The following RNF169 variants were observed in gnomAD, a reference collection of about 807,000 sequenced individuals.
RNF169 encodes the protein ring finger protein 169, also known as E3 ubiquitin-protein ligase RNF169.
A neutral mutation model predicts 53.9 loss-of-function variants in RNF169; 24 were observed. That is an observed-to-expected ratio of 0.45 (90% CI 0.32 to 0.63). The LOEUF is 0.63. RNF169 is among the 20% of genes least tolerant of loss of function. The probability of loss-of-function intolerance (pLI) is 0.04; values close to 1 mark genes in which losing one functional copy is unlikely to be tolerated. For missense variants in RNF169, 883 were observed against 906.2 expected (o/e 0.97, Z 0.33); for synonymous variants, 396 against 363.5 (o/e 1.09, Z -1.02).
intron 4 of RNF169, among the ~76,000 whole-genome samples, chr11:74,821,106 G>C (rs2036003796): frequency 6.6e-6 from 1 of 152,168 alleles, no homozygotes; most frequent in South Asian, 2.1e-4. Flanking sequence ...GTTGTTATCA[G>C]AACTCTGTGA....
chr11:74,826,002 T>C (rs2135140222), intron 4 of RNF169, among the ~76,000 whole-genome samples: 1 of 152,068 alleles, frequency 6.6e-6, no homozygotes, highest in South Asian at 2.1e-4. Flanking sequence ...AGTGAGTGAA[T>C]GAATGAAGGG....
intron 4 of RNF169, among the ~76,000 whole-genome samples, chr11:74,825,828 T>G (rs570994653): frequency 6.6e-6 from 1 of 152,224 alleles, no homozygotes; most frequent in South Asian, 2.1e-4. Context: ...ATCCCATGTG[T>G]TAATCTTTTT....
At chr11:74,768,581 TG>T (rs1417714278) in intron 1 of RNF169, among the ~76,000 whole-genome samples, 1 of 150,072 alleles carries the variant, frequency 6.7e-6, no homozygotes, top group East Asian at 1.9e-4. Flanking sequence ...CACTGCAGTC[TG>T]GGTGACAGAG....
rs946007054 is a variant in RNF169 at position 74,835,716 on chromosome 11, C to T, written c.1113C>T (p.Ser371=). 1.2e-6 allele frequency: 2 copies of T among 1,614,034 alleles called. No individual in the cohort carries two copies. The highest frequency in any genetic ancestry group is 1.7e-6 in the Non-Finnish European group (2 of 1,180,024). ...CAGAGCGTTCTGTCAGCCCTGAGAGCAATGACAGCATCTCCGAAGAACTAA... is the reference window on the plus strand; with the variant it reads ...CAGAGCGTTCTGTCAGCCCTGAGAGTAATGACAGCATCTCCGAAGAACTAA... ...HKPERSVSPE[S]NDSISEELNH... is the part of the protein sequence containing the mutation. The change falls in exon 6 of 6, where the codon AGC becomes AGT. Residue 371 remains serine, a synonymous_variant. Transcript: ENST00000299563.
chr11:74,753,018 G>A (rs1591382767), intron 1 of RNF169, among the ~76,000 whole-genome samples: 2 of 152,084 alleles, frequency 1.3e-5, no homozygotes, highest in Non-Finnish European at 2.9e-5. Context: ...GCCCAGGCTG[G>A]AGTGCAATGG....
intron 4 of RNF169, among the ~76,000 whole-genome samples, chr11:74,827,236 G>A (rs1358100044): frequency 2.0e-5 from 3 of 152,156 alleles, no homozygotes; most frequent in Admixed American, 6.5e-5. Flanking sequence ...CTTGGGGCTC[G>A]TACTCTCTGA....
At chr11:74,754,855 T>G (rs2034957826) in intron 1 of RNF169, among the ~76,000 whole-genome samples, 2 of 152,148 alleles carry the variant, frequency 1.3e-5, no homozygotes, top group African/African-American at 4.8e-5. Context: ...ATTGAATAGA[T>G]AAACAATTGA....
intron 4 of RNF169, chr11:74,832,361 T>C (rs561225888): frequency 6.6e-6 from 1 of 152,218 alleles, no homozygotes; most frequent in Admixed American, 6.5e-5. Flanking sequence ...GCCTTTTCTT[T>C]TGCCAAAATG....
intron 2 of RNF169, 108 bp from the exon 3 acceptor site, chr11:74,810,076 C>T (rs2035854556): frequency 1.0e-6 from 1 of 976,772 alleles, no homozygotes; most frequent in Admixed American, 2.5e-5. Flanking sequence ...GAAAAACAGT[C>T]TCAAAACTGC....
Position 74,836,842 on chromosome 11 carries a change from A to G in RNF169, c.*112A>G, listed in dbSNP as rs1269295241. 9.7e-6 allele frequency: 8 copies of G among 823,516 alleles called. No individual in the cohort carries two copies. The highest frequency in any genetic ancestry group is 1.8e-5 in the South Asian group (1 of 55,254). The allele number at this position is 823,516 out of a possible 1,614,324, so 51.0% of individuals were successfully genotyped here. A position where few individuals can be genotyped will look rare whatever the true frequency, so the allele number is the denominator to read the frequency against. On this transcript the variant is annotated 3_prime_UTR_variant, in exon 6 of 6. Transcript: ENST00000299563. ...TTTTAATGGCAAAACACTGTCTAAT[A>G]TGGTTCTGAGAGGTTCCAGGGCCTT...
At position 74,760,560 on chromosome 11, in the gene RNF169, C is replaced by T. The variant is rs1297837238; in HGVS notation, c.502+11178C>T. On this transcript the variant is annotated intron_variant, in intron 1 of 5. Transcript: ENST00000299563. ...AACATCTTTATGTCTGCCTTCATTT[C>T]GTTATGTACCCAGTAGTCATTCAGG... Among the ~76,000 whole-genome samples, 9 of 151,992 alleles carry T rather than the reference C, an allele frequency of 5.9e-5. No individual in the cohort carries two copies. The East Asian group carries it at 9.7e-4, about 16-fold the overall frequency.
intron 4 of RNF169, among the ~76,000 whole-genome samples, chr11:74,823,738 GAAAAAAAA>G (rs35164191): frequency 8.5e-5 from 9 of 105,774 alleles, no homozygotes; most frequent in Non-Finnish European, 1.4e-4. Context: ...CCCTGTCTCA[GAAAAAAAA>G]AAAAAAAAAA....
At chr11:74,832,208 T>C (rs2036189798) in intron 4 of RNF169, 1 of 152,172 alleles carries the variant, frequency 6.6e-6, no homozygotes, top group Non-Finnish European at 1.5e-5. Flanking sequence ...CAGTAAGAAG[T>C]CTGTTGGTCA....
intron 1 of RNF169, among the ~76,000 whole-genome samples, chr11:74,759,501 TGA>T (rs1412228279): frequency 1.6e-4 from 22 of 137,948 alleles, no homozygotes; most frequent in Non-Finnish European, 3.1e-4. Context: ...CCTAATTTAT[TGA>T]GAGTTTTTAG....
chr11:74,763,596 G>C (rs2035125038), intron 1 of RNF169, among the ~76,000 whole-genome samples: 1 of 152,188 alleles, frequency 6.6e-6, no homozygotes, highest in African/African-American at 2.4e-5. Context: ...TTACACAGAT[G>C]AAGAGAGATT....
chr11:74,758,867 G>T (rs573796094), intron 1 of RNF169, among the ~76,000 whole-genome samples: 88 of 150,596 alleles, frequency 5.8e-4, no homozygotes, highest in African/African-American at 2.1e-3. Context: ...TAGCTTGATG[G>T]GGATGGCATT....
intron 1 of RNF169, among the ~76,000 whole-genome samples, chr11:74,754,704 C>T (rs186366811): frequency 5.3e-5 from 8 of 152,162 alleles, no homozygotes; most frequent in Admixed American, 5.2e-4. Context: ...GCTTATAGTC[C>T]CAGCTACCGG....
At chr11:74,789,779 C>A in intron 2 of RNF169, 80 bp downstream of exon 2, 1 of 935,198 alleles carries the variant, frequency 1.1e-6, no homozygotes, top group Non-Finnish European at 1.7e-6. Flanking sequence ...GGAGTTTTGA[C>A]CAGGTTTTAA....
intron 4 of RNF169, among the ~76,000 whole-genome samples, chr11:74,826,153 C>G (rs2036093132): frequency 6.6e-6 from 1 of 152,130 alleles, no homozygotes; most frequent in African/African-American, 2.4e-5. Flanking sequence ...TAGTGAAACC[C>G]CATCTGTACT....
Sources: gnomAD v4.1 joint callset for allele counts (sites outside exome capture counted in the v4.1 genomes callset) on GRCh38, gnomAD v4.1.1 for gene constraint, MANE v1.5 for transcripts, NCBI Gene and HGNC (gene_info 2026-07-23, HGNC 2026-07-21) for gene names.